The following STARD13 variants were observed in gnomAD, a reference collection of about 807,000 sequenced individuals.
The protein encoded by STARD13 is StAR related lipid transfer domain containing 13.
In STARD13, 62 loss-of-function variants were observed where a neutral mutation model predicts 106.4. The ratio of observed to expected loss-of-function variants is 0.58; its 90% CI spans 0.48 to 0.72. The LOEUF is 0.72. Among genes scored for constraint, STARD13 ranks in the 30% least tolerant of loss-of-function variants. The pLI, the probability that STARD13 is intolerant of heterozygous loss-of-function variation, is 0.00. For missense variants in STARD13, 1,387 were observed against 1,424.0 expected, an observed-to-expected ratio of 0.97 and a Z score of 0.42; for synonymous variants, 565 against 553.0, an observed-to-expected ratio of 1.02 and a Z score of -0.31.
At chr13:33,239,065 C>G (rs904961642) in intron 1 of STARD13, among the ~76,000 whole-genome samples, 1 of 151,730 alleles carries the variant, frequency 6.6e-6, no homozygotes, top group Non-Finnish European at 1.5e-5. Flanking sequence ...AGTCATCATT[C>G]TACTTTCTGT....
the STARD13 span, among the ~76,000 whole-genome samples, chr13:33,389,973 G>A: frequency 1.6e-4 from 24 of 152,040 alleles, no homozygotes; most frequent in African/African-American, 5.8e-4. Context: ...ATCAGTTGAA[G>A]AAACAGAAAT....
intron 11 of STARD13, among the ~76,000 whole-genome samples, chr13:33,110,386 C>G (rs1212316958): frequency 6.6e-6 from 1 of 152,194 alleles, no homozygotes; most frequent in East Asian, 1.9e-4. Context: ...CAGTGGTACT[C>G]TTACAATGTC....
chr13:33,334,801 C>T (rs577534238), intron 1 of STARD13, among the ~76,000 whole-genome samples: 21 of 152,258 alleles, frequency 1.4e-4, no homozygotes, highest in African/African-American at 4.3e-4. Flanking sequence ...GCCAGGCAGG[C>T]GGTAAACTAA....
intron 1 of STARD13, among the ~76,000 whole-genome samples, chr13:33,318,624 A>G (rs1187536038): frequency 2.6e-5 from 4 of 152,162 alleles, no homozygotes; most frequent in African/African-American, 4.8e-5. Context: ...CAAGGAACTG[A>G]AGAGACAACC....
At chr13:33,519,205 ATTTTTTCT>A in the STARD13 span, among the ~76,000 whole-genome samples, 1 of 86,832 alleles carries the variant, frequency 1.2e-5, no homozygotes, top group Non-Finnish European at 2.6e-5. Context: ...CCTCTTGGTA[ATTTTTTCT>A]TTCTTTCTTT....
At chr13:33,205,802 A>G in intron 1 of STARD13, 1 of 969,408 alleles carries the variant, frequency 1.0e-6, no homozygotes, top group Non-Finnish European at 1.2e-6. Flanking sequence ...CTCTTTTTCT[A>G]TGGAACACAA....
chr13:33,559,811 C>G, the STARD13 span, among the ~76,000 whole-genome samples: 1 of 151,418 alleles, frequency 6.6e-6, no homozygotes, highest in Non-Finnish European at 1.5e-5. Context: ...GAGCCAAGAT[C>G]ACGCCACTGC....
At chr13:33,516,512 A>G in the STARD13 span, among the ~76,000 whole-genome samples, 1 of 152,056 alleles carries the variant, frequency 6.6e-6, no homozygotes, top group African/African-American at 2.4e-5. Context: ...TTGGGAATCC[A>G]TATCCAAAGT....
intron 1 of STARD13, among the ~76,000 whole-genome samples, chr13:33,234,347 T>TA (rs1889081009): frequency 6.6e-6 from 1 of 152,220 alleles, no homozygotes; most frequent in East Asian, 1.9e-4. Context: ...GAGTCCCAGC[T>TA]ATTTTCAAAG....
chr13:33,252,709 G>A (rs1415364993), intron 1 of STARD13, among the ~76,000 whole-genome samples: 3 of 152,204 alleles, frequency 2.0e-5, no homozygotes, highest in African/African-American at 7.2e-5. Flanking sequence ...GAGAATGTTT[G>A]CTTAGATATT....
chr13:33,583,589 G>A, the STARD13 span, among the ~76,000 whole-genome samples: 18 of 152,106 alleles, frequency 1.2e-4, no homozygotes, highest in Admixed American at 8.5e-4. Context: ...GCAGTCTTAA[G>A]TTATTACCTT....
chr13:33,622,096 T>C, the STARD13 span, among the ~76,000 whole-genome samples: 1 of 151,984 alleles, frequency 6.6e-6, no homozygotes, highest in Non-Finnish European at 1.5e-5. Flanking sequence ...TGAGCCACTG[T>C]GGAGGCCTGC....
the STARD13 span, among the ~76,000 whole-genome samples, chr13:33,550,479 T>G: frequency 6.6e-6 from 1 of 152,208 alleles, no homozygotes; most frequent in African/African-American, 2.4e-5. Context: ...GCCGAAACAG[T>G]GATGTTTCAT....
chr13:33,334,222 T>C (rs1436307787), intron 1 of STARD13, among the ~76,000 whole-genome samples: 1 of 152,188 alleles, frequency 6.6e-6, no homozygotes, highest in African/African-American at 2.4e-5. Context: ...CCTCAACAAT[T>C]AGGTTATTTT....
chr13:33,523,769 C>T, the STARD13 span, among the ~76,000 whole-genome samples: 698 of 152,180 alleles, frequency 4.6e-3, 6 homozygotes, highest in Admixed American at 7.4e-3. Context: ...AGGCAATTTT[C>T]GAAACAAAGT....
chr13:33,652,419 T>C, the STARD13 span, among the ~76,000 whole-genome samples: 395 of 152,358 alleles, frequency 2.6e-3, 7 homozygotes, highest in African/African-American at 9.2e-3. Flanking sequence ...ACATGGACTT[T>C]AATAAATCAA....
At chr13:33,564,301 A>G in the STARD13 span, among the ~76,000 whole-genome samples, 60 of 146,592 alleles carry the variant, frequency 4.1e-4, 7 homozygotes, top group African/African-American at 1.5e-3. Flanking sequence ...AATGCTCAAC[A>G]TCGCTAATAT....
chr13:33,492,151 G>A, the STARD13 span, among the ~76,000 whole-genome samples: 1 of 152,160 alleles, frequency 6.6e-6, no homozygotes, highest in African/African-American at 2.4e-5. Context: ...GCAGGAACAG[G>A]CCATTTTCAC....
At chr13:33,567,586 C>T in the STARD13 span, among the ~76,000 whole-genome samples, 1 of 147,268 alleles carries the variant, frequency 6.8e-6, no homozygotes, top group Non-Finnish European at 1.5e-5. Context: ...TGAATCAAAC[C>T]CCTATTTAAT....
Sources: allele counts gnomAD v4.1 joint callset (sites outside exome capture counted in the v4.1 genomes callset), GRCh38; gene constraint gnomAD v4.1.1; transcripts MANE v1.5; gene names NCBI Gene and HGNC (gene_info 2026-07-23, HGNC 2026-07-21).